The following ECPAS variants were observed in gnomAD, a reference collection of about 807,000 sequenced individuals.
ECPAS encodes the protein proteasome adapter and scaffold protein ECM29.
Under a neutral mutation model 255.1 loss-of-function variants are expected in ECPAS, and 70 were observed. The observed-to-expected ratio is 0.27, with a 90% CI of 0.23 to 0.33. ECPAS has a LOEUF of 0.33. ECPAS is among the 10% of genes least tolerant of loss of function. The pLI is 1.00. For missense variants in ECPAS, 1,817 were observed against 2,206.4 expected, an observed-to-expected ratio of 0.82 and a Z score of 3.54; for synonymous variants, 784 against 775.0, an observed-to-expected ratio of 1.01 and a Z score of -0.19.
chr9:111,430,648 A>T lies in ECPAS; in HGVS notation c.849-20T>A. The stretch of plus-strand genomic sequence containing the variant: ...ATTAAGCTATGGAAGGTTTCAACAC[A>T]GGTTGTTAAAATTATTTTTCCCCCT... On this transcript the variant is annotated intron_variant, in intron 8 of 49. Transcript: ENST00000684092. 6.6e-7 allele frequency: 1 copy of T among 1,509,454 alleles called. No individual in the cohort carries two copies. The allele number at this position is 1,509,454 out of a possible 1,614,324, so 93.5% of individuals were successfully genotyped here.
At chr9:111,414,009 C>T (rs1211505409) in intron 19 of ECPAS, 23 bp from the exon 20 acceptor site, 2 of 1,503,486 alleles carry the variant, frequency 1.3e-6, no homozygotes, top group Non-Finnish European at 1.8e-6. Flanking sequence ...TCAGAATCAC[C>T]TTAAATTTCA....
At chr9:111,435,088 G>A (rs1425005874) in intron 7 of ECPAS, among the ~76,000 whole-genome samples, 4 of 150,882 alleles carry the variant, frequency 2.7e-5, no homozygotes, top group African/African-American at 4.9e-5. Flanking sequence ...TAATAGAGAC[G>A]GGGTCTCACT....
chr9:111,431,507 G>A (rs925908402), intron 8 of ECPAS, among the ~76,000 whole-genome samples: 2 of 150,794 alleles, frequency 1.3e-5, no homozygotes, highest in South Asian at 2.1e-4. Context: ...GCAGTGAGCC[G>A]AGATTGTGCC....
chr9:111,440,963 G>C (rs553146116), intron 5 of ECPAS, among the ~76,000 whole-genome samples: 1 of 151,610 alleles, frequency 6.6e-6, no homozygotes, highest in East Asian at 2.0e-4. Flanking sequence ...AGGAGATCGA[G>C]ACCATGGTGA....
chr9:111,462,310 A>T (rs537372574), intron 2 of ECPAS, among the ~76,000 whole-genome samples: 28 of 152,204 alleles, frequency 1.8e-4, no homozygotes, highest in Admixed American at 4.6e-4. Context: ...AGAAACTTTC[A>T]TAATCTGACA....
chr9:111,431,865 T>C (rs2098230589), intron 8 of ECPAS, among the ~76,000 whole-genome samples: 1 of 152,228 alleles, frequency 6.6e-6, no homozygotes, highest in South Asian at 2.1e-4. Flanking sequence ...AATTCTGTTT[T>C]AGATATGATT....
At chr9:111,473,044 T>C (rs1471464829) in intron 1 of ECPAS, 44 bp from the exon 2 acceptor site, 4 of 486,572 alleles carry the variant, frequency 8.2e-6, no homozygotes, top group Non-Finnish European at 1.1e-5. Flanking sequence ...CAGATGTATA[T>C]GCATAGCTAC....
intron 2 of ECPAS, among the ~76,000 whole-genome samples, chr9:111,471,659 T>G (rs957168644): frequency 6.6e-6 from 1 of 152,164 alleles, no homozygotes; most frequent in Non-Finnish European, 1.5e-5. Flanking sequence ...TCTGATATCA[T>G]CCAAGAGTGA....
rs2098290950 is a variant in ECPAS, at chr9:111,472,949, G to A, written c.-31C>T. 2 of 1,242,440 alleles carry A rather than the reference G, an allele frequency of 1.6e-6. No homozygotes were observed. The highest frequency in any genetic ancestry group is 2.1e-6 in the Non-Finnish European group (2 of 966,070). 77.0% of individuals were successfully genotyped at this position (1,242,440 alleles called of 1,614,324 possible). The stretch of plus-strand genomic sequence containing the variant: ...ATCCAATCTTGACAAAAATCCTCGG[G>A]ATCACCAATGGTACGTTCATCCACT... On this transcript the variant is annotated 5_prime_UTR_variant, in exon 2 of 50. Transcript: ENST00000684092.
chr9:111,403,817 T>G (rs1266870300), intron 24 of ECPAS, among the ~76,000 whole-genome samples: 2 of 149,840 alleles, frequency 1.3e-5, no homozygotes, highest in African/African-American at 5.1e-5. Context: ...CGTTTTCTCA[T>G]CAGCACATGG....
intron 2 of ECPAS, among the ~76,000 whole-genome samples, chr9:111,463,310 C>T (rs2098275453): frequency 6.6e-6 from 1 of 152,118 alleles, no homozygotes; most frequent in Admixed American, 6.6e-5. Context: ...CACTGTGTCC[C>T]CAGCACTAAA....
chr9:111,425,716 T>G, intron 11 of ECPAS, 27 bp downstream of exon 11: 2 of 1,341,126 alleles, frequency 1.5e-6, no homozygotes, highest in Non-Finnish European at 2.1e-6. Context: ...CTTGAAAACT[T>G]TATAGTTAAA....
chr9:111,396,118 T>C (rs778616729), intron 25 of ECPAS, among the ~76,000 whole-genome samples: 1 of 152,362 alleles, frequency 6.6e-6, no homozygotes, highest in Middle Eastern at 3.4e-3. Flanking sequence ...ATTGTTACCA[T>C]GAGAATACTC....
intron 22 of ECPAS, among the ~76,000 whole-genome samples, chr9:111,410,528 G>A (rs1564525730): frequency 6.6e-6 from 1 of 152,008 alleles, no homozygotes; most frequent in Non-Finnish European, 1.5e-5. Flanking sequence ...GTTTGTTTTG[G>A]TTTTTTGAGA....
chr9:111,430,699 A>T lies in ECPAS; in HGVS notation c.849-71T>A. 6.6e-6 allele frequency: 6 copies of T among 906,880 alleles called. No homozygotes were observed. In the South Asian group the frequency reaches 9.1e-5, roughly 14 times the overall value. 56.2% of individuals were successfully genotyped at this position (906,880 alleles called of 1,614,324 possible). On this transcript the variant is annotated intron_variant, in intron 8 of 49. Transcript: ENST00000684092. ...CCTTCAGTGATTTCAAAAAAATTAT[A>T]GCCCCAACATTTCTTAACAAAAGAA...
intron 15 of ECPAS, among the ~76,000 whole-genome samples, chr9:111,421,542 A>G (rs1439835905): frequency 2.6e-5 from 4 of 152,068 alleles, no homozygotes; most frequent in South Asian, 4.1e-4. Flanking sequence ...CTCACTTCCT[A>G]AAGACTCACT....
At chr9:111,462,740 T>G (rs2098274641) in intron 2 of ECPAS, among the ~76,000 whole-genome samples, 1 of 13,618 alleles carries the variant, frequency 7.3e-5, no homozygotes, top group Non-Finnish European at 1.4e-4. Context: ...TTCATGGAAT[T>G]TTTTTTTTTT....
At position 111,484,152 on chromosome 9, in the gene ECPAS, G is replaced by A; in HGVS notation, c.-119C>T. 1 of 1,469,218 alleles carries A rather than the reference G, an allele frequency of 6.8e-7. No homozygotes were observed. The highest frequency in any genetic ancestry group is 1.3e-5 in the South Asian group (1 of 77,420). 91.0% of individuals were successfully genotyped at this position (1,469,218 alleles called of 1,614,324 possible). A position where few individuals can be genotyped will look rare whatever the true frequency, so the allele number is the denominator to read the frequency against. On this transcript the variant is annotated 5_prime_UTR_variant, in exon 1 of 50. Transcript: ENST00000684092. ...CCGGTCTCCATGCCGCGGACGCTGC[G>A]CTCGGCGCCGCGAGGTGAGGGCTGT...
intron 1 of ECPAS, among the ~76,000 whole-genome samples, chr9:111,473,795 C>T (rs1589240812): frequency 6.6e-6 from 1 of 152,160 alleles, no homozygotes; most frequent in East Asian, 1.9e-4. Context: ...AGCCAAACCC[C>T]GTCTCTACAG....
Sources: allele counts gnomAD v4.1 joint callset (sites outside exome capture counted in the v4.1 genomes callset), GRCh38; gene constraint gnomAD v4.1.1; transcripts MANE v1.5; gene names NCBI Gene and HGNC (gene_info 2026-07-23, HGNC 2026-07-21).